Variants in ECT2L observed in about 807,000 individuals in gnomAD.
ECT2L encodes the protein epithelial cell-transforming sequence 2 oncogene-like.
ECT2L carries 126 observed loss-of-function variants against 122.8 expected under a neutral mutation model. The observed-to-expected ratio is 1.03, with a 90% CI of 0.89 to 1.19. ECT2L has a LOEUF of 1.19. ECT2L is among the 50% of genes most tolerant of loss of function. The pLI is 0.00. For synonymous variants in ECT2L, 385 were observed against 381.8 expected (o/e 1.01, Z -0.10); for missense variants, 1,012 against 1,064.1 (o/e 0.95, Z 0.68).
chr6:138,841,153 A>G (rs1230231160), intron 5 of ECT2L, among the ~76,000 whole-genome samples: 1 of 152,198 alleles, frequency 6.6e-6, no homozygotes. Flanking sequence ...TTTTAGATAT[A>G]TTAATTATAG....
chr6:138,897,166 C>T (rs2128414465), intron 20 of ECT2L, among the ~76,000 whole-genome samples: 1 of 152,198 alleles, frequency 6.6e-6, no homozygotes, highest in East Asian at 1.9e-4. Flanking sequence ...CAGAACAAAA[C>T]CCACCATTGG....
At chr6:138,884,972 T>C (rs1778762967) in intron 16 of ECT2L, among the ~76,000 whole-genome samples, 1 of 151,732 alleles carries the variant, frequency 6.6e-6, no homozygotes, top group Admixed American at 6.6e-5. Flanking sequence ...TTGTCTATAC[T>C]GATTAAGTTC....
chr6:138,827,568 G>A (rs1025694781), intron 4 of ECT2L, among the ~76,000 whole-genome samples: 3 of 151,718 alleles, frequency 2.0e-5, no homozygotes, highest in Admixed American at 1.3e-4. Context: ...TTGTTTTGTT[G>A]TTTTTTGAGA....
chr6:138,869,158 C>T (rs1033609206), intron 13 of ECT2L, among the ~76,000 whole-genome samples: 1 of 152,146 alleles, frequency 6.6e-6, no homozygotes, highest in African/African-American at 2.4e-5. Flanking sequence ...CAAAGCAAGA[C>T]TCTGTCTCAA....
intron 1 of ECT2L, among the ~76,000 whole-genome samples, chr6:138,808,352 C>A (rs903671319): frequency 2.6e-5 from 4 of 152,102 alleles, no homozygotes; most frequent in Non-Finnish European, 5.9e-5. Context: ...TCAAGTGATC[C>A]TCCTACCTCA....
At chr6:138,878,725 G>A (rs1184211019) in intron 14 of ECT2L, among the ~76,000 whole-genome samples, 2 of 152,190 alleles carry the variant, frequency 1.3e-5, no homozygotes, top group Non-Finnish European at 2.9e-5. Context: ...GGGATTACAG[G>A]CATGAGCCAC....
chr6:138,879,225 T>G, intron 14 of ECT2L: 1 of 290,790 alleles, frequency 3.4e-6, no homozygotes, highest in Non-Finnish European at 7.0e-6. Flanking sequence ...GGTGTATGCC[T>G]GTTAATCTTA....
chr6:138,807,325 G>A (rs1751595299), intron 1 of ECT2L, among the ~76,000 whole-genome samples: 1 of 152,086 alleles, frequency 6.6e-6, no homozygotes, highest in Non-Finnish European at 1.5e-5. Flanking sequence ...GATCTTTTAG[G>A]TTAATTCATA....
chr6:138,900,539 C>A (rs896265162), intron 20 of ECT2L, among the ~76,000 whole-genome samples: 9 of 152,204 alleles, frequency 5.9e-5, no homozygotes. Flanking sequence ...GCCACCGCGC[C>A]CAGCCTTGTT....
At position 138,865,080 on chromosome 6, in the gene ECT2L, G is replaced by C. The variant is rs1054684312; in HGVS notation, c.1376G>C (p.Ser459Thr). The C allele has an allele frequency of 9.3e-6, 15 of 1,614,126 alleles. No individual in the cohort carries two copies. The highest frequency in any genetic ancestry group is 1.2e-5 in the Non-Finnish European group (14 of 1,180,006). The change falls in exon 12 of 22, where the codon AGC becomes ACC. Residue 459 changes from serine to threonine, a missense_variant. Ser to Thr is a moderately conservative substitution (Grantham distance 58). Transcript: ENST00000541398. Reference sequence around the variant, plus strand: ...GAATCGAAGCTACAGACGTGGTCCAGCTTCACAGACTTCCTAGAAGAAACC... The same window carrying C: ...GAATCGAAGCTACAGACGTGGTCCACCTTCACAGACTTCCTAGAAGAAACC... Reference protein sequence around the residue: ...FCESKLQTWSSFTDFLEETLK... With the variant: ...FCESKLQTWSTFTDFLEETLK...
At position 138,813,350 on chromosome 6, in the gene ECT2L, A is replaced by G; in HGVS notation, c.66+10A>G. The G allele has an allele frequency of 6.2e-7, 1 of 1,601,576 alleles. No homozygotes were observed. Among genetic ancestry groups the G allele is most frequent in the South Asian group, 1.1e-5 (1 of 89,160 alleles). On this transcript the variant is annotated intron_variant, in intron 3 of 21. Transcript: ENST00000541398. ...GTCATTAAATAGACAGGTAAGTTAC[A>G]TACTTTAAAACAGAACAAGTTTAAT...
At chr6:138,895,228 C>G (rs1779168656) in intron 20 of ECT2L, among the ~76,000 whole-genome samples, 1 of 152,108 alleles carries the variant, frequency 6.6e-6, no homozygotes. Flanking sequence ...TGATTTCTAC[C>G]AGGAATTTTT....
In ECT2L at chr6:138,887,055, C is replaced by G; in HGVS notation, c.2325+133C>G. The G allele has an allele frequency of 4.1e-6, 3 of 723,694 alleles. No homozygotes were observed. In the East Asian group the frequency reaches 8.1e-5, roughly 20 times the overall value. 44.8% of individuals were successfully genotyped at this position (723,694 alleles called of 1,614,324 possible). A position where few individuals can be genotyped will look rare whatever the true frequency, so the allele number is the denominator to read the frequency against. ...CTGCTACGTGCCAGGCACTGCCATG[C>G]TCTCCCATTTCACATCCTTGTTACC... On this transcript the variant is annotated intron_variant, in intron 19 of 21. Transcript: ENST00000541398.
chr6:138,874,249 A>G (rs1778364566), intron 13 of ECT2L, among the ~76,000 whole-genome samples: 1 of 151,976 alleles, frequency 6.6e-6, no homozygotes, highest in African/African-American at 2.4e-5. Flanking sequence ...GGTCTTCCTT[A>G]TATGTCCCGC....
At chr6:138,840,376 A>G (rs1307142084) in intron 5 of ECT2L, among the ~76,000 whole-genome samples, 2 of 127,038 alleles carry the variant, frequency 1.6e-5, no homozygotes, top group Non-Finnish European at 3.8e-5. Context: ...TTTATATGTG[A>G]CCATATTTTT....
chr6:138,884,320 T>C (rs57952039), intron 16 of ECT2L, among the ~76,000 whole-genome samples: 11,047 of 152,154 alleles, frequency 0.073, 770 homozygotes, highest in East Asian at 0.2. Flanking sequence ...GGTGCTCTAA[T>C]AGTGATAAAT....
intron 8 of ECT2L, among the ~76,000 whole-genome samples, chr6:138,847,752 T>C (rs1777287163): frequency 6.6e-6 from 1 of 152,074 alleles, no homozygotes; most frequent in Admixed American, 6.5e-5. Flanking sequence ...TTGCAAACAA[T>C]AGAACCTAAA....
chr6:138,867,689 C>A (rs57715835), intron 12 of ECT2L, among the ~76,000 whole-genome samples: 10,228 of 148,476 alleles, frequency 0.069, 428 homozygotes, highest in East Asian at 0.16. Flanking sequence ...TTTAGCTGGG[C>A]GTGGTGGCAG....
chr6:138,866,298 C>T (rs1335285539), intron 12 of ECT2L, among the ~76,000 whole-genome samples: 3 of 152,218 alleles, frequency 2.0e-5, no homozygotes, highest in African/African-American at 7.2e-5. Context: ...TAGGCATGCA[C>T]CGCCATGCCT....
Sources: allele counts gnomAD v4.1 joint callset (sites outside exome capture counted in the v4.1 genomes callset), GRCh38; gene constraint gnomAD v4.1.1; transcripts MANE v1.5; gene names NCBI Gene and HGNC (gene_info 2026-07-23, HGNC 2026-07-21).